Variants in FRAS1 observed in about 807,000 individuals in gnomAD.
FRAS1 encodes the protein Fraser extracellular matrix complex subunit 1, also known as extracellular matrix organizing protein FRAS1.
In FRAS1, 290 loss-of-function variants were observed where a neutral mutation model predicts 435.2. The ratio of observed to expected loss-of-function variants is 0.67; its 90% CI spans 0.61 to 0.73. The LOEUF (loss-of-function observed/expected upper bound fraction) is 0.73, where lower values mean the gene tolerates loss of function less well. FRAS1 is among the 30% of genes least tolerant of loss of function. FRAS1 has a pLI of 0.00. For missense variants in FRAS1, 4,860 were observed against 5,001.5 expected (o/e 0.97, Z 0.85); for synonymous variants, 1,800 against 1,851.0 (o/e 0.97, Z 0.71).
intron 14 of FRAS1, among the ~76,000 whole-genome samples, chr4:78,298,661 T>A (rs1298782325): frequency 2.0e-5 from 3 of 152,204 alleles, no homozygotes; most frequent in Non-Finnish European, 4.4e-5. Context: ...TTCTCTTAAG[T>A]TATATCTTAA....
intron 44 of FRAS1, 26 bp from the exon 45 acceptor site, chr4:78,450,125 C>A (rs558844270): frequency 1.3e-6 from 2 of 1,587,034 alleles, no homozygotes; most frequent in African/African-American, 1.3e-5. Context: ...TGGGGAATAA[C>A]CTACTCTCTT....
chr4:78,440,774 G>T (rs1179138838), intron 40 of FRAS1, among the ~76,000 whole-genome samples: 1 of 152,172 alleles, frequency 6.6e-6, no homozygotes, highest in Non-Finnish European at 1.5e-5. Context: ...CACAGTATCC[G>T]CAGGAGAACT....
chr4:78,227,916 A>G (rs1014708326), intron 2 of FRAS1, among the ~76,000 whole-genome samples: 1 of 152,206 alleles, frequency 6.6e-6, no homozygotes, highest in African/African-American at 2.4e-5. Context: ...TTGAGAATAT[A>G]TGCCCATCTA....
intron 2 of FRAS1, among the ~76,000 whole-genome samples, chr4:78,158,946 A>G (rs1721009378): frequency 6.6e-6 from 1 of 152,196 alleles, no homozygotes; most frequent in Non-Finnish European, 1.5e-5. Flanking sequence ...ATTGGAATCA[A>G]TAGACATTGC....
At chr4:78,405,891 A>G (rs1733077596) in intron 30 of FRAS1, among the ~76,000 whole-genome samples, 1 of 152,212 alleles carries the variant, frequency 6.6e-6, no homozygotes, top group Non-Finnish European at 1.5e-5. Context: ...TTGAAGGCAT[A>G]GTCTCCTGTG....
At chr4:78,261,660 G>GA (rs5859612) in intron 6 of FRAS1, among the ~76,000 whole-genome samples, 51,003 of 151,790 alleles carry the variant, frequency 0.34, 8,615 homozygotes, top group Admixed American at 0.39. Context: ...CAGGGACACA[G>GA]AAAAAATCTG....
At chr4:78,379,478 A>G (rs1731922575) in intron 26 of FRAS1, 2 of 451,652 alleles carry the variant, frequency 4.4e-6, no homozygotes, top group South Asian at 2.7e-5. Context: ...GCAAAGAGAC[A>G]TCATGTGTAT....
rs572033188 is a variant in FRAS1 at position 78,308,343 on chromosome 4, T to G, written c.1678+134T>G. ...ATGTGAATAGCTGCTGAGATTAATC[T>G]TTGATTTAGATGTGCATAACACACT... On this transcript the variant is annotated intron_variant, in intron 15 of 73. Coordinates refer to ENST00000512123, the MANE Select transcript of FRAS1 (RefSeq NM_025074.7). 3.7e-5 allele frequency: 35 copies of G among 957,552 alleles called. No homozygotes were observed. The East Asian group carries it at 3.8e-4, about 10-fold the overall frequency. 59.3% of individuals were successfully genotyped at this position (957,552 alleles called of 1,614,324 possible).
chr4:78,508,864 A>G lies in FRAS1; in HGVS notation c.9638A>G (p.Lys3213Arg). 1 of 1,613,870 alleles carries G rather than the reference A, an allele frequency of 6.2e-7. No homozygotes were observed. Residue 3213 changes from lysine to arginine, a missense_variant, in exon 63 of 74, where the codon AAG becomes AGG. Transcript: ENST00000512123. ...CATTTCCCCAGATACGCTGTCATGA[A>G]GGAGCGCTGCAGTGAGGCCGGCATC... ...DPHFPRYAVM[K>R]ERCSEAGINQ... is the part of the protein sequence containing the mutation.
chr4:78,196,944 C>T (rs1206178225), intron 2 of FRAS1, among the ~76,000 whole-genome samples: 5 of 151,872 alleles, frequency 3.3e-5, no homozygotes, highest in East Asian at 1.9e-4. Flanking sequence ...AAATTGGTTG[C>T]AATGCAGGGA....
intron 14 of FRAS1, among the ~76,000 whole-genome samples, chr4:78,296,366 A>G (rs1021129435): frequency 6.6e-6 from 1 of 152,078 alleles, no homozygotes; most frequent in Non-Finnish European, 1.5e-5. Context: ...GGGAGGCAGT[A>G]GCAGGCAGAG....
intron 20 of FRAS1, among the ~76,000 whole-genome samples, chr4:78,345,837 T>G (rs751349872): frequency 1.9e-4 from 29 of 149,532 alleles, no homozygotes; most frequent in Non-Finnish European, 4.1e-4. Flanking sequence ...GAACATGACC[T>G]ATGCTTAAAT....
intron 2 of FRAS1, among the ~76,000 whole-genome samples, chr4:78,185,100 A>G (rs1252150469): frequency 2.0e-5 from 3 of 152,224 alleles, no homozygotes; most frequent in Admixed American, 1.3e-4. Context: ...TTCTAGAAGT[A>G]TTATCACTTT....
At chr4:78,115,560 G>A (rs145038876) in intron 2 of FRAS1, among the ~76,000 whole-genome samples, 1,578 of 152,264 alleles carry the variant, frequency 0.01, 9 homozygotes, top group Non-Finnish European at 0.014. Context: ...GGTCTTGGGA[G>A]GGTGTATGTG....
chr4:78,507,510 G>C lies in FRAS1; in HGVS notation c.9406G>C (p.Asp3136His). Residue 3136 changes from aspartate to histidine, a missense_variant, in exon 62 of 74, where the codon GAC (aspartate) becomes CAC (histidine). Transcript: ENST00000512123. ...ESFSLVLGPD[D>H]PVEAVLGDVT... ...TTTCTCACTAGTCCTTGGCCCAGAT[G>C]ACCCAGTGGAAGCAGTTCTTGGGGA... 1.2e-6 allele frequency: 2 copies of C among 1,612,484 alleles called. No homozygotes were observed. The highest frequency in any genetic ancestry group is 8.5e-7 in the Non-Finnish European group (1 of 1,179,276).
chr4:78,543,968 T>C lies in FRAS1; in HGVS notation c.*2844T>C, dbSNP rs1017639367. 7 of 152,664 alleles carry C rather than the reference T, an allele frequency of 4.6e-5. No homozygotes were observed. Among genetic ancestry groups the C allele is most frequent in the African/African-American group, 1.7e-4 (7 of 41,460 alleles). 9.5% of individuals were successfully genotyped at this position (152,664 alleles called of 1,614,324 possible). On this transcript the variant is annotated 3_prime_UTR_variant, in exon 74 of 74. Transcript: ENST00000512123. ...ACCATTCTGCTTTGCTGCCCTTTTATTGTACCCCAGGCCTCCTAGAGGACT... is the reference window on the plus strand; with the variant it reads ...ACCATTCTGCTTTGCTGCCCTTTTACTGTACCCCAGGCCTCCTAGAGGACT...
rs774373319 is a variant in FRAS1, at chr4:78,421,871, G to C, written c.4549G>C (p.Glu1517Gln). 4 of 1,613,702 alleles carry C rather than the reference G, an allele frequency of 2.5e-6. No individual in the cohort carries two copies. The highest frequency in any genetic ancestry group is 2.2e-5 in the East Asian group (1 of 44,858). Residue 1517 changes from glutamate (E) to glutamine (Q), a missense_variant, in exon 34 of 74, where the codon GAG (glutamate) becomes CAG (glutamine). By Grantham distance (29) the Glu-to-Gln change is conservative. Transcript: ENST00000512123. ...LPLHPNQGII[E>Q]HRDHPHSPIR... ...AAATCTCTTCCTCCCAGGTATCATC[G>C]AGCACCGGGACCACCCTCACTCTCC...
At chr4:78,519,520 G>T (rs765221693) in intron 67 of FRAS1, 39 bp downstream of exon 67, 8 of 1,588,996 alleles carry the variant, frequency 5.0e-6, no homozygotes, top group South Asian at 2.3e-5. Flanking sequence ...TTTAGTTAGG[G>T]CTTCACTCAA....
chr4:78,101,194 T>A (rs1238552412), intron 2 of FRAS1, among the ~76,000 whole-genome samples: 1 of 151,900 alleles, frequency 6.6e-6, no homozygotes, highest in Non-Finnish European at 1.5e-5. Context: ...ACCCAACAAG[T>A]GTGATTCTGT....
Sources: gnomAD v4.1 joint callset for allele counts (sites outside exome capture counted in the v4.1 genomes callset) on GRCh38, gnomAD v4.1.1 for gene constraint, MANE v1.5 for transcripts, NCBI Gene and HGNC (gene_info 2026-07-23, HGNC 2026-07-21) for gene names.